The following FARS2 variants were observed in gnomAD, a reference collection of about 807,000 sequenced individuals.
The protein encoded by FARS2 is phenylalanine--tRNA ligase, mitochondrial.
In FARS2, 40 loss-of-function variants were observed where a neutral mutation model predicts 46.4. The ratio of observed to expected loss-of-function variants is 0.86; its 90% CI spans 0.67 to 1.12. The LOEUF (loss-of-function observed/expected upper bound fraction) is 1.12. Ranked by LOEUF, FARS2 falls within the 50% of genes most tolerant of loss-of-function variation. The pLI, the probability that FARS2 is intolerant of heterozygous loss-of-function variation, is 0.00. For synonymous variants in FARS2, 234 were observed against 214.9 expected (o/e 1.09, Z -0.78); for missense variants, 513 against 567.9 (o/e 0.90, Z 0.98).
intron 4 of FARS2, among the ~76,000 whole-genome samples, chr6:5,511,831 G>T (rs1016755216): frequency 6.6e-6 from 1 of 152,188 alleles, no homozygotes; most frequent in Admixed American, 6.5e-5. Context: ...CTGAGTGGCT[G>T]CTGAGAACCC....
intron 6 of FARS2, among the ~76,000 whole-genome samples, chr6:5,737,949 C>CTTG (rs373192476): frequency 1.8e-4 from 28 of 152,162 alleles, no homozygotes; most frequent in African/African-American, 5.1e-4. Flanking sequence ...TGTTATTATT[C>CTTG]TTGTTGTTGT....
chr6:5,662,959 T>G (rs944493807), intron 6 of FARS2, among the ~76,000 whole-genome samples: 1 of 152,238 alleles, frequency 6.6e-6, no homozygotes, highest in Non-Finnish European at 1.5e-5. Context: ...TAGTAAGTAC[T>G]TAATAAATTC....
intron 4 of FARS2, among the ~76,000 whole-genome samples, chr6:5,511,075 G>A (rs1305141438): frequency 1.2e-4 from 18 of 152,188 alleles, no homozygotes; most frequent in Admixed American, 1.2e-3. Context: ...GGGAGAAGGA[G>A]AGGCCAGATG....
chr6:5,602,949 A>G (rs17133295), intron 5 of FARS2, among the ~76,000 whole-genome samples: 34,667 of 152,078 alleles, frequency 0.23, 4,125 homozygotes, highest in African/African-American at 0.27. Context: ...ATTTCATGTC[A>G]TCTTCACCAC....
chr6:5,380,203 C>A (rs1759664645), intron 2 of FARS2, among the ~76,000 whole-genome samples: 2 of 152,286 alleles, frequency 1.3e-5, no homozygotes, highest in South Asian at 4.1e-4. Flanking sequence ...AGCTTGTGCT[C>A]CTGAACCAAT....
chr6:5,622,501 C>T (rs1775825043), intron 6 of FARS2, among the ~76,000 whole-genome samples: 1 of 152,200 alleles, frequency 6.6e-6, no homozygotes, highest in African/African-American at 2.4e-5. Flanking sequence ...GAAACGAGGC[C>T]TTTGGGAAAT....
At chr6:5,257,224 C>T (rs75228904), upstream of FARS2, among the ~76,000 whole-genome samples, 236 of 152,260 alleles carry the variant, frequency 1.5e-3, no homozygotes, top group African/African-American at 5.6e-3. Context: ...CAGTGGCCCT[C>T]TCCAACCTCA....
chr6:5,766,369 C>T (rs1355160364), intron 6 of FARS2, among the ~76,000 whole-genome samples: 2 of 152,208 alleles, frequency 1.3e-5, no homozygotes, highest in South Asian at 4.1e-4. Flanking sequence ...TCCCAGACCA[C>T]CTTTTAATGC....
chr6:5,724,708 C>T (rs1475550254), intron 6 of FARS2, among the ~76,000 whole-genome samples: 1 of 152,206 alleles, frequency 6.6e-6, no homozygotes, highest in African/African-American at 2.4e-5. Flanking sequence ...CACTCACCTC[C>T]CCTCAGCCTC....
chr6:5,635,795 G>A (rs1380223083), intron 6 of FARS2, among the ~76,000 whole-genome samples: 1 of 152,186 alleles, frequency 6.6e-6, no homozygotes, highest in African/African-American at 2.4e-5. Flanking sequence ...AAGGGAGCCT[G>A]CAGAAGGCAT....
chr6:5,394,493 A>T (rs1398428513), intron 2 of FARS2, among the ~76,000 whole-genome samples: 1 of 152,228 alleles, frequency 6.6e-6, no homozygotes, highest in Non-Finnish European at 1.5e-5. Context: ...AAATTGCGTA[A>T]TGAAGCATTT....
At chr6:5,747,427 G>T (rs1403642952) in intron 6 of FARS2, among the ~76,000 whole-genome samples, 2 of 152,246 alleles carry the variant, frequency 1.3e-5, no homozygotes, top group African/African-American at 4.8e-5. Context: ...TGATGAGGTG[G>T]TGAGAGGTGC....
chr6:5,652,691 TC>T (rs1170337667), intron 6 of FARS2, among the ~76,000 whole-genome samples: 2 of 152,204 alleles, frequency 1.3e-5, no homozygotes, highest in Non-Finnish European at 2.9e-5. Context: ...CTTGTTACCG[TC>T]CGTGGCCTTG....
chr6:5,378,286 A>G (rs1759515393), intron 2 of FARS2, among the ~76,000 whole-genome samples: 3 of 152,274 alleles, frequency 2.0e-5, no homozygotes, highest in African/African-American at 7.2e-5. Context: ...ACTGTGGGTG[A>G]GGGGCTCCTT....
At chr6:5,681,140 T>C (rs1779013419) in intron 6 of FARS2, among the ~76,000 whole-genome samples, 1 of 152,230 alleles carries the variant, frequency 6.6e-6, no homozygotes, top group Admixed American at 6.5e-5. Flanking sequence ...CTAAGAGATT[T>C]ATCTGAGAAA....
chr6:5,251,532 C>T, the FARS2 span, among the ~76,000 whole-genome samples: 194 of 152,122 alleles, frequency 1.3e-3, 1 homozygote, highest in African/African-American at 4.4e-3. Flanking sequence ...AGCAAGCAAG[C>T]GAGGAAGGAG....
intron 1 of FARS2, among the ~76,000 whole-genome samples, chr6:5,353,702 T>C (rs908753196): frequency 3.3e-5 from 5 of 151,236 alleles, no homozygotes; most frequent in African/African-American, 9.7e-5. Context: ...TTTTTTTACC[T>C]GTTTTTAAAT....
intron 6 of FARS2, among the ~76,000 whole-genome samples, chr6:5,706,545 C>G (rs933164614): frequency 6.6e-6 from 1 of 152,164 alleles, no homozygotes; most frequent in African/African-American, 2.4e-5. Context: ...ACTTACCCTG[C>G]CTGGGAGTCC....
chr6:5,766,801 C>G (rs924726833), intron 6 of FARS2, among the ~76,000 whole-genome samples: 2 of 152,068 alleles, frequency 1.3e-5, no homozygotes, highest in Admixed American at 6.6e-5. Context: ...AAAACCATAT[C>G]CCTATGAAGC....
Sources: gnomAD v4.1 joint callset for allele counts (sites outside exome capture counted in the v4.1 genomes callset) on GRCh38, gnomAD v4.1.1 for gene constraint, MANE v1.5 for transcripts, NCBI Gene and HGNC (gene_info 2026-07-23, HGNC 2026-07-21) for gene names.